RAI1: variants seen among roughly 807,000 people sequenced by gnomAD.
RAI1 encodes retinoic acid-induced protein 1.
A neutral mutation model predicts 123.8 loss-of-function variants in RAI1; 9 were observed. The ratio of observed to expected loss-of-function variants is 0.07; its 90% CI spans 0.04 to 0.13. The LOEUF (loss-of-function observed/expected upper bound fraction) is 0.13. Ranked by LOEUF, RAI1 falls within the 10% of genes least tolerant of loss-of-function variation. RAI1 has a pLI of 1.00. For missense variants in RAI1, 2,256 were observed against 2,545.8 expected (o/e 0.89, Z 2.45); for synonymous variants, 1,231 against 1,127.3 (o/e 1.09, Z -1.84).
rs2143002337 is a variant in RAI1, at chr17:17,795,612, G to A, written c.2664G>A (p.Gln888=). The change falls in exon 3 of 6, where the codon CAG becomes CAA. Residue 888 remains glutamine, a synonymous_variant. Coordinates refer to ENST00000353383, the MANE Select transcript of RAI1 (RefSeq NM_030665.4). This position sits in a 1 kb window ranked among gnomAD's most constrained non-coding sequence, Gnocchi z 5.9. ...LGSPEQRPGM[Q]DPLSPKAPLI... Reference sequence around the variant, plus strand: ...GCCCCGAGCAGAGGCCTGGCATGCAGGACCCGCTGTCACCCAAGGCCCCAC... The same window carrying A: ...GCCCCGAGCAGAGGCCTGGCATGCAAGACCCGCTGTCACCCAAGGCCCCAC... 1.2e-6 allele frequency: 2 copies of A among 1,613,206 alleles called. No homozygotes were observed. Among genetic ancestry groups the A allele is most frequent in the Admixed American group, 3.3e-5 (2 of 59,992 alleles).
rs528791534 is a variant in RAI1 at position 17,736,308 on chromosome 17, G to C, written c.-17+12149G>C. On this transcript the variant is annotated intron_variant, in intron 2 of 5. Transcript: ENST00000353383. ...CCTGCCCCCAGGTCAGACCTGGGAG[G>C]CTCTCAGTCATCCCAAACTCTGACC... 2.6e-5 allele frequency among the ~76,000 whole-genome samples: 4 copies of C among 152,242 alleles called. No homozygotes were observed. In the East Asian group the frequency reaches 7.7e-4, roughly 29 times the overall value.
chr17:17,733,923 C>T (rs1399374723), intron 2 of RAI1, among the ~76,000 whole-genome samples: 2 of 152,168 alleles, frequency 1.3e-5, no homozygotes, highest in Non-Finnish European at 2.9e-5. Context: ...GGCCCCCTCA[C>T]CACCCAATGC....
chr17:17,684,157 G>C (rs1914540842), intron 1 of RAI1: 1 of 152,080 alleles, frequency 6.6e-6, no homozygotes, highest in African/African-American at 2.4e-5. Context: ...ACAGGAGTGA[G>C]TCACTGCACC....
rs2032449168 is a variant in RAI1 at position 17,801,166 on chromosome 17, G to C, written c.5566-2590G>C. Among the ~76,000 whole-genome samples the C allele has an allele frequency of 6.6e-6, 1 of 152,142 alleles. No individual in the cohort carries two copies. ...AACTGCCCTCGCCTGCTATCTCTGAGCCCTGCCTGCCCTTCCCCCAAAGCC... is the reference window on the plus strand; with the variant it reads ...AACTGCCCTCGCCTGCTATCTCTGACCCCTGCCTGCCCTTCCCCCAAAGCC... On this transcript the variant is annotated intron_variant, in intron 3 of 5. Transcript: ENST00000353383. This position sits in a 1 kb window ranked among gnomAD's most constrained non-coding sequence, Gnocchi z 4.1.
In RAI1 at chr17:17,797,627, G is replaced by T; in HGVS notation, c.4679G>T (p.Arg1560Leu). 6.2e-7 allele frequency: 1 copy of T among 1,613,912 alleles called. No homozygotes were observed. Among genetic ancestry groups the T allele is most frequent in the Non-Finnish European group, 8.5e-7 (1 of 1,180,038 alleles). ...CCCTGTAAGGGGCGTGCCAAGCGAC[G>T]ACGACAGCAGCAGGTGCTGCCCCTG... ...SSPCKGRAKR[R>L]RQQQVLPLDP... The change falls in exon 3 of 6, where the codon CGA becomes CTA. Residue 1560 changes from arginine to leucine, a missense_variant. By Grantham distance (102) the Arg-to-Leu change is moderately radical. Transcript: ENST00000353383.
chr17:17,768,670 C>T (rs1567887654), intron 2 of RAI1, among the ~76,000 whole-genome samples: 3 of 152,222 alleles, frequency 2.0e-5, no homozygotes, highest in Admixed American at 6.5e-5. Context: ...GGGTAGCCTG[C>T]GCCCTGCTGA....
intron 1 of RAI1, among the ~76,000 whole-genome samples, chr17:17,712,964 T>A (rs1251928358): frequency 6.8e-6 from 1 of 146,252 alleles, no homozygotes; most frequent in East Asian, 2.0e-4. Context: ...AGACAGGAGG[T>A]GAGCAATTGC....
In RAI1 at chr17:17,798,448, G is replaced by A. The variant is rs769844428; in HGVS notation, c.5500G>A (p.Gly1834Ser). 8 of 1,608,642 alleles carry A rather than the reference G, an allele frequency of 5.0e-6. No individual in the cohort carries two copies. The African/African-American group carries it at 5.3e-5, about 11-fold the overall frequency. ...TGAGGCCTGTGCCGTGTGGACCGGC[G>A]GCGTCTACCTGGTGGCCGGGAAGCT... ...VHEACAVWTG[G>S]VYLVAGKLFG... Residue 1834 changes from glycine (G) to serine (S), a missense_variant, in exon 3 of 6, where the codon GGC becomes AGC. Coordinates refer to ENST00000353383, the MANE Select transcript of RAI1 (RefSeq NM_030665.4).
rs748667620 is a variant in RAI1 at position 17,795,632 on chromosome 17, C to T, written c.2684C>T (p.Ala895Val). The T allele has an allele frequency of 5.0e-6, 8 of 1,613,254 alleles. No individual in the cohort carries two copies. In the South Asian group the frequency reaches 8.8e-5, roughly 18 times the overall value. ...PGMQDPLSPK[A>V]PLICTKEEVE... ...ATGCAGGACCCGCTGTCACCCAAGGCCCCACTCATCTGCACCAAGGAGGAG... is the reference window on the plus strand; with the variant it reads ...ATGCAGGACCCGCTGTCACCCAAGGTCCCACTCATCTGCACCAAGGAGGAG... The change falls in exon 3 of 6, where the codon GCC becomes GTC. Residue 895 changes from alanine (A) to valine (V), a missense_variant. This residue lies in a region of RAI1 where 566 missense variants were observed against 616.0 expected (regional missense o/e 0.92). Coordinates refer to ENST00000353383, the MANE Select transcript of RAI1 (RefSeq NM_030665.4). This position sits in a 1 kb window ranked among gnomAD's most constrained non-coding sequence, Gnocchi z 5.9.
intron 2 of RAI1, among the ~76,000 whole-genome samples, chr17:17,742,228 C>T (rs1196184443): frequency 6.6e-6 from 1 of 152,222 alleles, no homozygotes; most frequent in Non-Finnish European, 1.5e-5. Flanking sequence ...CCCTGCTTGC[C>T]CCACCCTGGC....
In RAI1 at chr17:17,720,872, A is replaced by G. The variant is rs575682644; in HGVS notation, c.-148-3156A>G. On this transcript the variant is annotated intron_variant, in intron 1 of 5. Transcript: ENST00000353383. ...CAGATGTGAATGGCAGCCCTGCTGAATCAAGATCCCTCCGTACCACTGCCC... is the reference window on the plus strand; with the variant it reads ...CAGATGTGAATGGCAGCCCTGCTGAGTCAAGATCCCTCCGTACCACTGCCC... Among the ~76,000 whole-genome samples, 19 of 152,206 alleles carry G rather than the reference A, an allele frequency of 1.2e-4. No individual in the cohort carries two copies. In the South Asian group the frequency reaches 3.7e-3, roughly 30 times the overall value.
chr17:17,691,153 G>A (rs553386436), intron 1 of RAI1, among the ~76,000 whole-genome samples: 2 of 152,182 alleles, frequency 1.3e-5, no homozygotes, highest in East Asian at 1.9e-4. Context: ...GGTCTCATTC[G>A]GGGGCGATCT....
At chr17:17,791,591 T>C (rs1200385624) in intron 2 of RAI1, among the ~76,000 whole-genome samples, 1 of 152,140 alleles carries the variant, frequency 6.6e-6, no homozygotes, top group Non-Finnish European at 1.5e-5. Context: ...CCCTATCCCC[T>C]CCTGGGGGCC....
At chr17:17,756,544 C>T (rs2030445164) in intron 2 of RAI1, among the ~76,000 whole-genome samples, 1 of 152,152 alleles carries the variant, frequency 6.6e-6, no homozygotes, top group African/African-American at 2.4e-5. Context: ...AGTGTGTTTG[C>T]TTTCCACTGT....
At position 17,761,271 on chromosome 17, in the gene RAI1, G is replaced by A. The variant is rs79564148; in HGVS notation, c.-16-31662G>A. Reference sequence around the variant, plus strand: ...AAGGCTTTTTTTTTTTTTTTAACTAGTGCCCAAGGAAGTGGGGGTGGCAGA... The same window carrying A: ...AAGGCTTTTTTTTTTTTTTTAACTAATGCCCAAGGAAGTGGGGGTGGCAGA... On this transcript the variant is annotated intron_variant, in intron 2 of 5. Transcript: ENST00000353383. Among the ~76,000 whole-genome samples, 577 of 148,586 alleles carry A rather than the reference G, an allele frequency of 3.9e-3. 4 individuals are homozygous for A. The highest frequency in any genetic ancestry group is 0.014 in the African/African-American group (555 of 40,308).
intron 2 of RAI1, among the ~76,000 whole-genome samples, chr17:17,783,205 G>C (rs1235115164): frequency 6.6e-6 from 1 of 152,076 alleles, no homozygotes; most frequent in Non-Finnish European, 1.5e-5. Context: ...CGGGGGACCG[G>C]GGCACCGAGG....
chr17:17,702,401 C>G (rs553232727), intron 1 of RAI1, among the ~76,000 whole-genome samples: 1 of 152,314 alleles, frequency 6.6e-6, no homozygotes, highest in South Asian at 2.1e-4. Context: ...CAGGCCAAGC[C>G]TCGGATGATG....
At chr17:17,755,870 G>A (rs1435095748) in intron 2 of RAI1, among the ~76,000 whole-genome samples, 1 of 152,212 alleles carries the variant, frequency 6.6e-6, no homozygotes, top group Non-Finnish European at 1.5e-5. Flanking sequence ...CTTGGGCAGG[G>A]CTGTACCCTC....
At chr17:17,728,074 TG>T (rs1306934856) in intron 2 of RAI1, among the ~76,000 whole-genome samples, 5 of 152,054 alleles carry the variant, frequency 3.3e-5, no homozygotes, top group Non-Finnish European at 7.3e-5. Context: ...TCCCTGTGTG[TG>T]TCCCCTCTGT....
Sources: gnomAD v4.1 joint callset for allele counts (sites outside exome capture counted in the v4.1 genomes callset) on GRCh38, gnomAD v4.1.1 for gene constraint, gnomAD v4.1.1 regional missense constraint, Gnocchi (gnomAD v3.1) non-coding constraint, MANE v1.5 for transcripts, NCBI Gene and HGNC (gene_info 2026-07-23, HGNC 2026-07-21) for gene names.